Variants in CNTN4 observed in about 807,000 individuals in gnomAD.
CNTN4 encodes the protein contactin 4, also known as contactin-4.
CNTN4 carries 77 observed loss-of-function variants against 122.5 expected under a neutral mutation model. The observed-to-expected ratio is 0.63, with a 90% CI of 0.52 to 0.76. The LOEUF is 0.76. Among genes scored for constraint, CNTN4 ranks in the 30% least tolerant of loss-of-function variants. The probability of loss-of-function intolerance (pLI) is 0.00; values close to 1 mark genes in which losing one functional copy is unlikely to be tolerated. For missense variants in CNTN4, 1,256 were observed against 1,259.1 expected, an observed-to-expected ratio of 1.00 and a Z score of 0.04; for synonymous variants, 512 against 447.0, an observed-to-expected ratio of 1.15 and a Z score of -1.83.
At chr3:2,805,220 T>C (rs1379643016) in intron 6 of CNTN4, among the ~76,000 whole-genome samples, 3 of 152,052 alleles carry the variant, frequency 2.0e-5, no homozygotes, top group African/African-American at 7.2e-5. Context: ...AGCATCCTGA[T>C]CACTGTTGCT....
rs750932320 is a variant in CNTN4, at chr3:2,925,655, C to A, written c.1234C>A (p.Leu412Ile). 6.8e-6 allele frequency: 11 copies of A among 1,613,804 alleles called. No homozygotes were observed. The African/African-American group carries it at 1.5e-4, about 22-fold the overall frequency. ...IAVGPDFSRT[L>I]LKRVTLVKVG... ...TGTAGGTCCAGATTTTTCAAGAACACTCTTGAAAAGAGTAACTCTTGTCAA... is the reference window on the plus strand; with the variant it reads ...TGTAGGTCCAGATTTTTCAAGAACAATCTTGAAAAGAGTAACTCTTGTCAA... Residue 412 changes from leucine (L) to isoleucine (I), a missense_variant, in exon 13 of 25, where the codon CTC becomes ATC. Transcript: ENST00000418658.
chr3:2,840,393 C>G (rs1211997054), intron 7 of CNTN4, among the ~76,000 whole-genome samples: 1 of 151,942 alleles, frequency 6.6e-6, no homozygotes, highest in Non-Finnish European at 1.5e-5. Context: ...TCCTCCTCCA[C>G]CTTCTTCCTT....
chr3:2,909,443 G>A (rs1219863289), intron 12 of CNTN4, among the ~76,000 whole-genome samples: 2 of 149,338 alleles, frequency 1.3e-5, no homozygotes, highest in African/African-American at 4.9e-5. Context: ...TTTTCTCTTA[G>A]TATCCATACC....
At chr3:2,660,365 T>C (rs774307617) in intron 4 of CNTN4, among the ~76,000 whole-genome samples, 10 of 152,226 alleles carry the variant, frequency 6.6e-5, no homozygotes, top group Non-Finnish European at 1.2e-4. Flanking sequence ...AAGTATTTCA[T>C]GTGTGAGGAG....
chr3:2,462,148 C>A (rs1040760876), intron 3 of CNTN4, among the ~76,000 whole-genome samples: 7 of 152,128 alleles, frequency 4.6e-5, no homozygotes, highest in African/African-American at 1.2e-4. Flanking sequence ...TTATAACCAC[C>A]TTTCTATGGT....
intron 4 of CNTN4, among the ~76,000 whole-genome samples, chr3:2,584,683 G>T (rs1206350390): frequency 7.5e-5 from 2 of 26,574 alleles, no homozygotes; most frequent in African/African-American, 1.4e-4. Flanking sequence ...GATGACAAAA[G>T]CAAAACTCCG....
chr3:2,376,233 C>T (rs1303751101), intron 3 of CNTN4, among the ~76,000 whole-genome samples: 1 of 152,170 alleles, frequency 6.6e-6, no homozygotes, highest in African/African-American at 2.4e-5. Context: ...CTGTGCTGCA[C>T]TTCTCCTTTA....
intron 3 of CNTN4, among the ~76,000 whole-genome samples, chr3:2,462,118 G>A (rs1229961514): frequency 1.3e-5 from 2 of 152,096 alleles, no homozygotes; most frequent in Non-Finnish European, 2.9e-5. Context: ...ATAATTATTT[G>A]TCCTCAAGTG....
At chr3:3,029,139 G>T (rs952168701) in intron 15 of CNTN4, among the ~76,000 whole-genome samples, 1 of 152,144 alleles carries the variant, frequency 6.6e-6, no homozygotes, top group East Asian at 1.9e-4. Context: ...GACTTGATCC[G>T]TAAACAGTGG....
intron 13 of CNTN4, among the ~76,000 whole-genome samples, chr3:2,969,369 C>G (rs1373635431): frequency 1.3e-5 from 2 of 152,102 alleles, no homozygotes. Flanking sequence ...ACTCCTGAAC[C>G]AATCGCTTTA....
At chr3:2,998,110 T>A (rs1050577154) in intron 14 of CNTN4, among the ~76,000 whole-genome samples, 2 of 152,162 alleles carry the variant, frequency 1.3e-5, no homozygotes, top group African/African-American at 2.4e-5. Context: ...TGATAGAACA[T>A]GTATCTGCCT....
At chr3:3,032,939 T>TA (rs1044729547) in intron 16 of CNTN4, among the ~76,000 whole-genome samples, 29 of 151,976 alleles carry the variant, frequency 1.9e-4, no homozygotes, top group African/African-American at 5.8e-4. Flanking sequence ...GGCAGGAAGA[T>TA]AAAAAAAAGA....
At chr3:2,975,816 A>C (rs760471482) in intron 13 of CNTN4, among the ~76,000 whole-genome samples, 4 of 152,312 alleles carry the variant, frequency 2.6e-5, no homozygotes, top group Admixed American at 1.3e-4. Context: ...GTAAAAGTAT[A>C]TGGAAGTATA....
intron 4 of CNTN4, among the ~76,000 whole-genome samples, chr3:2,680,391 G>A (rs2085101555): frequency 1.3e-5 from 2 of 152,164 alleles, no homozygotes; most frequent in South Asian, 4.1e-4. Context: ...TTAGCAAATT[G>A]TCAAAGATTG....
At chr3:2,360,691 A>G (rs909821274) in intron 3 of CNTN4, among the ~76,000 whole-genome samples, 2 of 152,266 alleles carry the variant, frequency 1.3e-5, no homozygotes, top group African/African-American at 4.8e-5. Flanking sequence ...GAGAATTCCC[A>G]AGTAAAGGGG....
chr3:3,037,288 G>A lies in CNTN4; in HGVS notation c.2052G>A (p.Glu684=). The change falls in exon 18 of 25, where the codon GAG becomes GAA. Residue 684 remains glutamate, a synonymous_variant. Coordinates refer to ENST00000418658, the MANE Select transcript of CNTN4 (RefSeq NM_175607.3). ...CAGCCAACGTGATTGGGATTGGGGA[G>A]CCCAGCCGCCCCTCAGAGAAACGGA... ...TVAANVIGIG[E]PSRPSEKRRT... The A allele has an allele frequency of 1.9e-6, 3 of 1,614,144 alleles. No individual in the cohort carries two copies. The highest frequency in any genetic ancestry group is 2.5e-6 in the Non-Finnish European group (3 of 1,180,022).
At chr3:2,888,671 T>G (rs1302810188) in intron 10 of CNTN4, among the ~76,000 whole-genome samples, 1 of 152,050 alleles carries the variant, frequency 6.6e-6, no homozygotes. Context: ...CATATGAATA[T>G]GTATATAAAT....
At position 2,584,697 on chromosome 3, in the gene CNTN4, C is replaced by CA. The variant is rs67755648; in HGVS notation, c.55+13163dup. 6.6e-3 allele frequency among the ~76,000 whole-genome samples: 480 copies of CA among 73,028 alleles called. 1 individual carries two copies. The highest frequency in any genetic ancestry group is 0.021 in the African/African-American group (355 of 17,232). 47.9% of individuals were successfully genotyped at this position (73,028 alleles called of 152,430 possible). ...GGATGACAAAAGCAAAACTCCGTCT[C>CA]AAAAAAAAAAAAAAAAAAAAAAAAG... On this transcript the variant is annotated intron_variant, in intron 4 of 24. Coordinates refer to ENST00000418658, the MANE Select transcript of CNTN4 (RefSeq NM_175607.3).
At chr3:2,276,435 A>G (rs190846281) in intron 2 of CNTN4, among the ~76,000 whole-genome samples, 449 of 152,180 alleles carry the variant, frequency 3.0e-3, no homozygotes, top group African/African-American at 0.01. Context: ...CTGCCTCCCA[A>G]AGTGCTGGGA....
Sources: gnomAD v4.1 joint callset for allele counts (sites outside exome capture counted in the v4.1 genomes callset) on GRCh38, gnomAD v4.1.1 for gene constraint, MANE v1.5 for transcripts, NCBI Gene and HGNC (gene_info 2026-07-23, HGNC 2026-07-21) for gene names.